Variants in LTBP1 observed in about 807,000 individuals in gnomAD.
The protein encoded by LTBP1 is latent transforming growth factor beta binding protein 1.
Under a neutral mutation model 207.6 loss-of-function variants are expected in LTBP1, and 129 were observed. The ratio of observed to expected loss-of-function variants is 0.62; its 90% confidence interval spans 0.54 to 0.72. The LOEUF (loss-of-function observed/expected upper bound fraction) is 0.72. LTBP1 is among the 30% of genes least tolerant of loss of function. The pLI is 0.00. For synonymous variants in LTBP1, 963 were observed against 833.7 expected (o/e 1.16, Z -2.67); for missense variants, 2,281 against 2,217.2 (o/e 1.03, Z -0.58).
rs181547283 is a variant in LTBP1, at chr2:33,293,044, A to G, written c.3113-116A>G. The G allele has an allele frequency of 1.4e-5, 15 of 1,063,502 alleles. No homozygotes were observed. In the East Asian group the frequency reaches 3.8e-4, roughly 27 times the overall value. 65.9% of individuals were successfully genotyped at this position (1,063,502 alleles called of 1,614,324 possible). ...TGGGCTAATTTGAAAGTTTATCTTT[A>G]AGAATCTGCCTGGTCTTCTGAAGGT... On this transcript the variant is annotated intron_variant, in intron 19 of 33. Coordinates refer to ENST00000404816, the MANE Select transcript of LTBP1 (RefSeq NM_206943.4).
At chr2:33,186,214 T>A (rs2087175423) in intron 5 of LTBP1, among the ~76,000 whole-genome samples, 1 of 152,208 alleles carries the variant, frequency 6.6e-6, no homozygotes. Flanking sequence ...CAAATATTAT[T>A]TTTATTACTG....
At chr2:33,397,483 G>A (rs2095369239) in intron 33 of LTBP1, among the ~76,000 whole-genome samples, 1 of 143,412 alleles carries the variant, frequency 7.0e-6, no homozygotes, top group Non-Finnish European at 1.5e-5. Flanking sequence ...TGGTAAATAT[G>A]TTCTGTGTAT....
At chr2:33,222,297 G>T in intron 9 of LTBP1, 146 bp downstream of exon 9, 1 of 626,596 alleles carries the variant, frequency 1.6e-6, no homozygotes, top group Non-Finnish European at 3.0e-6. Flanking sequence ...GGAAATGTAA[G>T]GAAATAAGTT....
chr2:33,040,366 C>T (rs577112794), intron 3 of LTBP1, among the ~76,000 whole-genome samples: 2 of 152,308 alleles, frequency 1.3e-5, no homozygotes, highest in South Asian at 4.1e-4. Context: ...AAGGAGCTCA[C>T]AGGTCAGTGG....
chr2:33,053,351 A>G (rs766340866), intron 3 of LTBP1, among the ~76,000 whole-genome samples: 11 of 152,312 alleles, frequency 7.2e-5, no homozygotes, highest in Non-Finnish European at 1.3e-4. Flanking sequence ...CTACATTGAC[A>G]CATCATTATT....
intron 9 of LTBP1, among the ~76,000 whole-genome samples, chr2:33,226,170 G>T (rs1346702932): frequency 6.6e-6 from 1 of 152,136 alleles, no homozygotes; most frequent in Non-Finnish European, 1.5e-5. Context: ...TGTTAAAATT[G>T]CCTGCTACGA....
At position 33,257,301 on chromosome 2, in the gene LTBP1, T is replaced by G; in HGVS notation, c.2185T>G (p.Cys729Gly). 1 of 1,613,146 alleles carries G rather than the reference T, an allele frequency of 6.2e-7. No homozygotes were observed. Among genetic ancestry groups the G allele is most frequent in the South Asian group, 1.1e-5 (1 of 91,064 alleles). Residue 729 changes from cysteine (C) to glycine (G), a missense_variant, in exon 12 of 34, where the codon TGT (cysteine) becomes GGT (glycine). Transcript: ENST00000404816. ...LPGTAAFKEI[C>G]PGGMGYTVSG... ...AAATCTAGCTGCTTTTAAGGAAATC[T>G]GTCCTGGTGGAATGGGTTATACGGT...
chr2:33,360,485 TA>T, intron 26 of LTBP1, 111 bp from the exon 27 acceptor site: 1 of 642,486 alleles, frequency 1.6e-6, no homozygotes, highest in Non-Finnish European at 2.7e-6. Context: ...GCATTTTCTA[TA>T]AAGCAAATGC....
At chr2:33,055,806 C>T (rs946235221) in intron 3 of LTBP1, among the ~76,000 whole-genome samples, 2 of 152,122 alleles carry the variant, frequency 1.3e-5, no homozygotes, top group African/African-American at 4.8e-5. Context: ...GGCCAAATTC[C>T]CCTCCCCCTA....
At chr2:33,022,023 A>C (rs1056472602) in intron 3 of LTBP1, among the ~76,000 whole-genome samples, 1 of 152,210 alleles carries the variant, frequency 6.6e-6, no homozygotes, top group Non-Finnish European at 1.5e-5. Flanking sequence ...GGAAGTTCCC[A>C]ACTTAAAAAT....
chr2:33,119,647 C>T (rs991023288), intron 4 of LTBP1, among the ~76,000 whole-genome samples: 6 of 152,174 alleles, frequency 3.9e-5, no homozygotes, highest in African/African-American at 1.4e-4. Flanking sequence ...AGCTCCGCCT[C>T]CCGGGTTCAT....
chr2:33,331,293 AC>A (rs2094491713), intron 24 of LTBP1, among the ~76,000 whole-genome samples: 1 of 151,110 alleles, frequency 6.6e-6, no homozygotes. Context: ...TTTATTTCTA[AC>A]TACTTGAAGT....
At chr2:33,069,226 C>G (rs1051486626) in intron 3 of LTBP1, among the ~76,000 whole-genome samples, 1 of 152,096 alleles carries the variant, frequency 6.6e-6, no homozygotes, top group Non-Finnish European at 1.5e-5. Flanking sequence ...GCCAGACTTC[C>G]GAGAGCCTGG....
intron 3 of LTBP1, among the ~76,000 whole-genome samples, chr2:33,032,641 G>A (rs115386192): frequency 0.013 from 2,052 of 152,198 alleles, 23 homozygotes; most frequent in Non-Finnish European, 0.017. Flanking sequence ...ATTCTCATTA[G>A]TTATTATTTA....
At chr2:33,088,601 G>A (rs892776317) in intron 3 of LTBP1, among the ~76,000 whole-genome samples, 1 of 152,146 alleles carries the variant, frequency 6.6e-6, no homozygotes. Context: ...AGCTTCATGA[G>A]GGTAAGGTCT....
Position 33,299,941 on chromosome 2 carries a change from A to G in LTBP1, c.3236-510A>G, listed in dbSNP as rs202095176. On this transcript the variant is annotated intron_variant, in intron 20 of 33. Transcript: ENST00000404816. ...ACCATTTCTCTTGGCTTTCCTTGTT[A>G]CTTTGAAAATGAGCCAGAGTTCTTT... Among the ~76,000 whole-genome samples, 13 of 152,270 alleles carry G rather than the reference A, an allele frequency of 8.5e-5. No individual in the cohort carries two copies. In the East Asian group the frequency reaches 2.1e-3, roughly 25 times the overall value.
At chr2:33,241,118 G>T (rs1482267269) in intron 9 of LTBP1, among the ~76,000 whole-genome samples, 1 of 152,146 alleles carries the variant, frequency 6.6e-6, no homozygotes, top group East Asian at 1.9e-4. Flanking sequence ...TAAAAAAATA[G>T]ATGAACCAAG....
intron 5 of LTBP1, among the ~76,000 whole-genome samples, chr2:33,162,249 A>G (rs2084532878): frequency 6.6e-6 from 1 of 152,252 alleles, no homozygotes; most frequent in African/African-American, 2.4e-5. Context: ...ATGTATGTGA[A>G]TAGGTTTATA....
At chr2:33,189,216 G>C (rs77366686) in intron 7 of LTBP1, among the ~76,000 whole-genome samples, 2,797 of 138,184 alleles carry the variant, frequency 0.02, 87 homozygotes, top group African/African-American at 0.066. Flanking sequence ...GATTGATTGA[G>C]TTGGAGTCTC....
Sources: allele counts gnomAD v4.1 joint callset (sites outside exome capture counted in the v4.1 genomes callset), GRCh38; gene constraint gnomAD v4.1.1; transcripts MANE v1.5; gene names NCBI Gene and HGNC (gene_info 2026-07-23, HGNC 2026-07-21).